Variants in NF1 observed in about 807,000 individuals in gnomAD.
The protein encoded by NF1 is neurofibromin 1.
NF1 carries 122 observed loss-of-function variants against 325.7 expected under a neutral mutation model. The ratio of observed to expected loss-of-function variants is 0.37; its 90% confidence interval spans 0.32 to 0.44. NF1 has a LOEUF of 0.44. NF1 is among the 20% of genes least tolerant of loss of function. NF1 has a pLI of 1.00. For missense variants in NF1, 2,140 were observed against 3,415.4 expected (o/e 0.63, Z 9.31); for synonymous variants, 1,091 against 1,186.0 (o/e 0.92, Z 1.65).
At chr17:31,340,940 G>A (rs1423722009) in intron 47 of NF1, among the ~76,000 whole-genome samples, 3 of 151,016 alleles carry the variant, frequency 2.0e-5, no homozygotes, top group African/African-American at 7.3e-5. Flanking sequence ...CTTACAGAAT[G>A]AGCATAAACA....
chr17:31,107,993 C>T (rs894883232), intron 1 of NF1, among the ~76,000 whole-genome samples: 6 of 151,548 alleles, frequency 4.0e-5, no homozygotes, highest in African/African-American at 1.2e-4. Flanking sequence ...AGTAGCTAGG[C>T]GTGGTGGTGC....
At position 31,305,494 on chromosome 17, in the gene NF1, G is replaced by A; in HGVS notation, c.4836-20326G>A. 6.2e-7 allele frequency: 1 copy of A among 1,614,194 alleles called. No individual in the cohort carries two copies. Among genetic ancestry groups the A allele is most frequent in the Non-Finnish European group, 8.5e-7 (1 of 1,180,036 alleles). ...ATTAGCCAATACCTGTGACATTGATGATGTGAATAAGGTAGGCTGTGACTG... is the reference window on the plus strand; with the variant it reads ...ATTAGCCAATACCTGTGACATTGATAATGTGAATAAGGTAGGCTGTGACTG... On this transcript the variant is annotated intron_variant, in intron 36 of 57. Coordinates refer to ENST00000358273, the MANE Select transcript of NF1 (RefSeq NM_001042492.3).
At chr17:31,206,099 T>G in intron 11 of NF1, 141 bp from the exon 12 acceptor site, 1 of 848,446 alleles carries the variant, frequency 1.2e-6, no homozygotes, top group South Asian at 1.4e-5. Context: ...GTTTGAAGAC[T>G]TTGGAAATCA....
At chr17:31,282,111 G>A (rs2068130200) in intron 36 of NF1, among the ~76,000 whole-genome samples, 1 of 151,814 alleles carries the variant, frequency 6.6e-6, no homozygotes, top group Non-Finnish European at 1.5e-5. Context: ...GGCCGGGCGT[G>A]GTGGTTCACG....
intron 5 of NF1, among the ~76,000 whole-genome samples, chr17:31,174,522 G>A (rs2065984960): frequency 6.6e-6 from 1 of 152,116 alleles, no homozygotes; most frequent in Non-Finnish European, 1.5e-5. Flanking sequence ...ATTTGTTAAT[G>A]TTATTTATAA....
chr17:31,224,248 A>G (rs1359835515), intron 16 of NF1, among the ~76,000 whole-genome samples: 2 of 152,162 alleles, frequency 1.3e-5, no homozygotes, highest in Non-Finnish European at 2.9e-5. Context: ...GAAGATAGAG[A>G]AGAGCCTTAA....
chr17:31,101,070 TTTG>T (rs906272609), intron 1 of NF1, among the ~76,000 whole-genome samples: 5 of 152,144 alleles, frequency 3.3e-5, no homozygotes, highest in East Asian at 1.9e-4. Flanking sequence ...ACCAGTCTTT[TTTG>T]TTGTTGTTGT....
At chr17:31,211,601 A>G (rs1775782529) in intron 12 of NF1, among the ~76,000 whole-genome samples, 1 of 152,218 alleles carries the variant, frequency 6.6e-6, no homozygotes, top group African/African-American at 2.4e-5. Flanking sequence ...CATACCTAGG[A>G]TATATGGTCT....
Position 31,348,790 on chromosome 17 carries a change from T to C in NF1, c.7190-330T>C, listed in dbSNP as rs2070061683. 5.9e-5 allele frequency among the ~76,000 whole-genome samples: 9 copies of C among 152,080 alleles called. No individual in the cohort carries two copies. The South Asian group carries it at 1.9e-3, about 31-fold the overall frequency. The stretch of plus-strand genomic sequence containing the variant: ...AATGAAATCTTAAGGAGAATTATAA[T>C]ACATAGATTTTTTTTTTTAATCTCT... On this transcript the variant is annotated intron_variant, in intron 48 of 57. Transcript: ENST00000358273.
At chr17:31,151,607 T>C (rs1444076962) in intron 1 of NF1, among the ~76,000 whole-genome samples, 1 of 152,172 alleles carries the variant, frequency 6.6e-6, no homozygotes, top group Non-Finnish European at 1.5e-5. Flanking sequence ...AATGGTGTGG[T>C]ATTTGCATAT....
Position 31,294,709 on chromosome 17 carries a change from T to C in NF1, c.4835+29370T>C, listed in dbSNP as rs149996299. On this transcript the variant is annotated intron_variant, in intron 36 of 57. Coordinates refer to ENST00000358273, the MANE Select transcript of NF1 (RefSeq NM_001042492.3). ...AGTGTAAACATACATAAAATACATA[T>C]TAAAGTTTAGATGCTTTATATTTTG... The C allele has an allele frequency of 4.3e-5, 18 of 416,674 alleles. 2 individuals carry two copies. Among genetic ancestry groups the C allele is most frequent in the Middle Eastern group, 7.5e-4 (1 of 1,330 alleles). The allele number at this position is 416,674 out of a possible 1,614,324, so 25.8% of individuals were successfully genotyped here.
At chr17:31,208,940 G>C (rs928552726) in intron 12 of NF1, among the ~76,000 whole-genome samples, 1 of 152,112 alleles carries the variant, frequency 6.6e-6, no homozygotes, top group East Asian at 1.9e-4. Flanking sequence ...ATGGAGTCTG[G>C]CAACACAGGC....
chr17:31,180,332 C>G (rs2066105010), intron 5 of NF1, among the ~76,000 whole-genome samples: 1 of 152,152 alleles, frequency 6.6e-6, no homozygotes, highest in East Asian at 1.9e-4. Flanking sequence ...AACATCGATG[C>G]AAAAATCCTC....
At chr17:31,277,542 G>T (rs2068031869) in intron 36 of NF1, among the ~76,000 whole-genome samples, 1 of 152,132 alleles carries the variant, frequency 6.6e-6, no homozygotes, top group Admixed American at 6.5e-5. Flanking sequence ...AATCCACTCT[G>T]TTCTTTACCC....
intron 8 of NF1, among the ~76,000 whole-genome samples, chr17:31,194,199 T>C (rs1354095259): frequency 6.6e-6 from 1 of 152,172 alleles, no homozygotes; most frequent in Non-Finnish European, 1.5e-5. Flanking sequence ...TGGAATAGTA[T>C]TCAGCCATAA....
chr17:31,220,861 C>A (rs1956760770), intron 14 of NF1, among the ~76,000 whole-genome samples: 1 of 151,960 alleles, frequency 6.6e-6, no homozygotes, highest in Non-Finnish European at 1.5e-5. Context: ...CGTTTTTGTA[C>A]AATAGTAGCA....
At chr17:31,185,902 T>C (rs746106860) in intron 8 of NF1, among the ~76,000 whole-genome samples, 22 of 152,172 alleles carry the variant, frequency 1.4e-4, no homozygotes, top group Non-Finnish European at 2.8e-4. Context: ...CGGAGGCCTC[T>C]AGGATTTTGG....
At chr17:31,271,841 A>G (rs978009772) in intron 36 of NF1, among the ~76,000 whole-genome samples, 1 of 149,614 alleles carries the variant, frequency 6.7e-6, no homozygotes, top group Non-Finnish European at 1.5e-5. Flanking sequence ...CCTATCCTTC[A>G]TCTCTCTGTC....
At chr17:31,154,732 C>CTTTTTTTTTTTTTTTTTTTTTTT (rs71142026) in intron 1 of NF1, among the ~76,000 whole-genome samples, 1 of 103,394 alleles carries the variant, frequency 9.7e-6, no homozygotes. Context: ...TTAGTATTTC[C>CTTTTTTTTTTTTTTTTTTTTTTT]TTTTTTTTTT....
Sources: allele counts gnomAD v4.1 joint callset (sites outside exome capture counted in the v4.1 genomes callset), GRCh38; gene constraint gnomAD v4.1.1; transcripts MANE v1.5; gene names NCBI Gene and HGNC (gene_info 2026-07-23, HGNC 2026-07-21).